HECW2: variants seen among roughly 807,000 people sequenced by gnomAD.
The protein encoded by HECW2 is E3 ubiquitin-protein ligase HECW2.
HECW2 carries 61 observed loss-of-function variants against 175.2 expected under a neutral mutation model. The observed-to-expected ratio is 0.35, with a 90% CI of 0.28 to 0.43. The LOEUF is 0.43. HECW2 is among the 20% of genes least tolerant of loss of function. HECW2 has a pLI of 1.00. For synonymous variants in HECW2, 671 were observed against 731.0 expected (o/e 0.92, Z 1.32); for missense variants, 1,524 against 2,000.5 (o/e 0.76, Z 4.54).
chr2:196,528,656 T>C (rs1688748273), intron 1 of HECW2, among the ~76,000 whole-genome samples: 1 of 152,230 alleles, frequency 6.6e-6, no homozygotes, highest in African/African-American at 2.4e-5. Flanking sequence ...CAAGGCACTG[T>C]CAGCACATCA....
rs1327339143 is a variant in HECW2 at position 196,533,886 on chromosome 2, T to C, written c.-36+59622A>G. On this transcript the variant is annotated intron_variant, in intron 1 of 28. Transcript: ENST00000644978. Reference sequence around the variant, plus strand: ...GGACTAAAATATAATACTAGCTTTCTGGAAAATAATTATTGTACATAATTT... The same window carrying C: ...GGACTAAAATATAATACTAGCTTTCCGGAAAATAATTATTGTACATAATTT... Among the ~76,000 whole-genome samples, 4 of 152,364 alleles carry C rather than the reference T, an allele frequency of 2.6e-5. No individual in the cohort carries two copies. The East Asian group carries it at 5.8e-4, about 22-fold the overall frequency.
Position 196,307,142 on chromosome 2 carries a change from G to T in HECW2, c.2677C>A (p.Gln893Lys). 3.1e-6 allele frequency: 5 copies of T among 1,611,004 alleles called. No individual in the cohort carries two copies. The highest frequency in any genetic ancestry group is 3.4e-6 in the Non-Finnish European group (4 of 1,177,228). ...DGAGEEADFH[Q>K]ASADFRRENI... ...CCAAAGCTCTTACCTGCACTGGCTT[G>T]GTGAAAGTCAGCTTCCTCCCCTGCC... Residue 893 changes from glutamine to lysine, a missense_variant, in exon 12 of 29, where the codon CAA becomes AAA. By Grantham distance (53) the Gln-to-Lys change is moderately conservative. Coordinates refer to ENST00000644978, the MANE Select transcript of HECW2 (RefSeq NM_001348768.2).
At chr2:196,220,546 A>G (rs1463275210) in intron 25 of HECW2, among the ~76,000 whole-genome samples, 4 of 152,240 alleles carry the variant, frequency 2.6e-5, no homozygotes, top group Non-Finnish European at 4.4e-5. Flanking sequence ...AAATGTTACT[A>G]GTGGTCATTA....
chr2:196,409,959 C>G (rs1302768698), intron 2 of HECW2, among the ~76,000 whole-genome samples: 1 of 152,154 alleles, frequency 6.6e-6, no homozygotes, highest in Non-Finnish European at 1.5e-5. Flanking sequence ...AAAGTCAATT[C>G]CCTGGTTTGG....
chr2:196,468,830 C>A (rs1697068150), intron 1 of HECW2, among the ~76,000 whole-genome samples: 1 of 152,110 alleles, frequency 6.6e-6, no homozygotes, highest in African/African-American at 2.4e-5. Context: ...TTACCTAAGC[C>A]AAGCCTACAG....
At chr2:196,487,538 A>T (rs1339823053) in intron 1 of HECW2, among the ~76,000 whole-genome samples, 2 of 152,144 alleles carry the variant, frequency 1.3e-5, no homozygotes, top group Non-Finnish European at 2.9e-5. Flanking sequence ...TACCCCTGCC[A>T]TGGAACCACA....
intron 2 of HECW2, among the ~76,000 whole-genome samples, chr2:196,376,643 A>T (rs1694059604): frequency 1.3e-5 from 2 of 151,192 alleles, no homozygotes; most frequent in Non-Finnish European, 2.9e-5. Context: ...CATAAAAAAA[A>T]AAAAAAGGGC....
intron 2 of HECW2, among the ~76,000 whole-genome samples, chr2:196,413,794 G>T: frequency 6.6e-6 from 1 of 152,072 alleles, no homozygotes; most frequent in South Asian, 2.1e-4. Flanking sequence ...CTCTAATCTG[G>T]AGCTCTCCCT....
chr2:196,251,941 G>A (rs1028740385), intron 19 of HECW2, among the ~76,000 whole-genome samples: 2 of 152,072 alleles, frequency 1.3e-5, no homozygotes, highest in African/African-American at 4.8e-5. Context: ...ACTCACACCT[G>A]TAATACCAGC....
intron 1 of HECW2, among the ~76,000 whole-genome samples, chr2:196,483,172 A>G (rs1353756295): frequency 6.6e-6 from 1 of 152,094 alleles, no homozygotes; most frequent in Non-Finnish European, 1.5e-5. Flanking sequence ...CTGACAACAT[A>G]GACAACTTGA....
rs1575393636 is a variant in HECW2 at position 196,308,163 on chromosome 2, T to C, written c.2435-78A>G. ...AATAGGGTTCATTAAGTTTGGCATG[T>C]GTTTTCTTTCTCTGACATGCTATAA... On this transcript the variant is annotated intron_variant, in intron 10 of 28. Coordinates refer to ENST00000644978, the MANE Select transcript of HECW2 (RefSeq NM_001348768.2). 17 of 1,153,906 alleles carry C rather than the reference T, an allele frequency of 1.5e-5. No homozygotes were observed. The East Asian group carries it at 3.7e-4, about 25-fold the overall frequency. The allele number at this position is 1,153,906 out of a possible 1,614,324, so 71.5% of individuals were successfully genotyped here.
At chr2:196,473,735 G>T (rs13404182) in intron 1 of HECW2, among the ~76,000 whole-genome samples, 1 of 152,168 alleles carries the variant, frequency 6.6e-6, no homozygotes, top group Non-Finnish European at 1.5e-5. Context: ...GGCCTTATTC[G>T]TGTTGGATGC....
At chr2:196,435,770 C>T (rs550181557) in intron 1 of HECW2, among the ~76,000 whole-genome samples, 1 of 152,276 alleles carries the variant, frequency 6.6e-6, no homozygotes, top group East Asian at 1.9e-4. Context: ...CCCTCTGTTT[C>T]CCCACCTATC....
At chr2:196,440,392 T>C (rs1009518106) in intron 1 of HECW2, among the ~76,000 whole-genome samples, 13 of 152,282 alleles carry the variant, frequency 8.5e-5, no homozygotes, top group Non-Finnish European at 1.5e-4. Flanking sequence ...AACCTTAACT[T>C]TTCCCTTATA....
intron 19 of HECW2, among the ~76,000 whole-genome samples, chr2:196,251,751 T>C (rs553832557): frequency 6.6e-6 from 1 of 152,312 alleles, no homozygotes; most frequent in South Asian, 2.1e-4. Context: ...TTTCATCATG[T>C]TACTCTGGCT....
At chr2:196,202,860 G>A (rs930387835) in intron 28 of HECW2, among the ~76,000 whole-genome samples, 3 of 152,142 alleles carry the variant, frequency 2.0e-5, no homozygotes, top group Admixed American at 6.5e-5. Context: ...TGGAATATTT[G>A]CATATATATA....
At chr2:196,478,734 GA>G (rs1451574835) in intron 1 of HECW2, among the ~76,000 whole-genome samples, 4 of 152,068 alleles carry the variant, frequency 2.6e-5, no homozygotes, top group Non-Finnish European at 4.4e-5. Flanking sequence ...TAAGGCCCTA[GA>G]AAGCTACCTT....
At chr2:196,481,219 A>G (rs1014064233) in intron 1 of HECW2, among the ~76,000 whole-genome samples, 10 of 152,184 alleles carry the variant, frequency 6.6e-5, no homozygotes, top group Non-Finnish European at 1.3e-4. Context: ...GAAGACCACA[A>G]ACTTGTTTAT....
chr2:196,453,563 AG>A (rs1333286058), intron 1 of HECW2, among the ~76,000 whole-genome samples: 1 of 152,210 alleles, frequency 6.6e-6, no homozygotes, highest in Non-Finnish European at 1.5e-5. Flanking sequence ...GTCTGACAAA[AG>A]ATTCCTGATT....
Sources: gnomAD v4.1 joint callset for allele counts (sites outside exome capture counted in the v4.1 genomes callset) on GRCh38, gnomAD v4.1.1 for gene constraint, MANE v1.5 for transcripts, NCBI Gene and HGNC (gene_info 2026-07-23, HGNC 2026-07-21) for gene names.